NLRP5: variants seen among roughly 807,000 people sequenced by gnomAD.
NLRP5 encodes NLR family pyrin domain containing 5.
NLRP5 carries 93 observed loss-of-function variants against 113.1 expected under a neutral mutation model. The ratio of observed to expected loss-of-function variants is 0.82; its 90% CI spans 0.70 to 0.98. NLRP5 has a LOEUF of 0.98. Among genes scored for constraint, NLRP5 ranks in the 50% least tolerant of loss-of-function variants. The pLI is 0.00. For synonymous variants in NLRP5, 751 were observed against 600.7 expected, an observed-to-expected ratio of 1.25 and a Z score of -3.66; for missense variants, 1,808 against 1,514.3, an observed-to-expected ratio of 1.19 and a Z score of -3.22.
At chr19:56,054,541 G>C (rs533476801) in intron 13 of NLRP5, among the ~76,000 whole-genome samples, 1 of 143,028 alleles carries the variant, frequency 7.0e-6, no homozygotes, top group Non-Finnish European at 1.5e-5. Flanking sequence ...TTGGGTGACA[G>C]AGTGAGACTC....
chr19:56,010,751 A>AAAAAAAAAAAAAAAAAAAAAAAAAAAAAT (rs1438489823), intron 3 of NLRP5, among the ~76,000 whole-genome samples: 2 of 118,174 alleles, frequency 1.7e-5, no homozygotes, highest in Non-Finnish European at 3.7e-5. Context: ...TCAAAAAAAA[A>AAAAAAAAAAAAAAAAAAAAAAAAAAAAAT]AAAAGTCCCT....
intron 2 of NLRP5, among the ~76,000 whole-genome samples, chr19:56,004,304 A>G (rs769825526): frequency 6.6e-6 from 1 of 152,148 alleles, no homozygotes; most frequent in Non-Finnish European, 1.5e-5. Context: ...AAATGGGTAG[A>G]CAACGGCTCC....
At chr19:56,037,404 G>A (rs79296217) in intron 9 of NLRP5, among the ~76,000 whole-genome samples, 4,626 of 152,086 alleles carry the variant, frequency 0.03, 139 homozygotes, top group East Asian at 0.17. Flanking sequence ...TATGTGGAAC[G>A]TTGGGTGGAG....
chr19:56,038,301 C>T (rs375502323), intron 10 of NLRP5, 106 bp downstream of exon 10: 15 of 1,270,158 alleles, frequency 1.2e-5, no homozygotes, highest in African/African-American at 1.0e-4. Context: ...GATGTACAAA[C>T]CAGGGGTGAG....
At chr19:56,044,524 G>A (rs926037599) in intron 11 of NLRP5, among the ~76,000 whole-genome samples, 9 of 152,188 alleles carry the variant, frequency 5.9e-5, no homozygotes, top group South Asian at 2.1e-4. Flanking sequence ...TCCGTTGGCT[G>A]TAAGTATTTG....
intron 2 of NLRP5, among the ~76,000 whole-genome samples, chr19:56,007,520 C>G (rs1297291276): frequency 6.6e-6 from 1 of 151,016 alleles, no homozygotes; most frequent in Non-Finnish European, 1.5e-5. Context: ...AGCATAAAGT[C>G]AGGGCATCCC....
At chr19:56,048,979 A>ATTTTAT (rs1983827399) in intron 11 of NLRP5, among the ~76,000 whole-genome samples, 1 of 94,976 alleles carries the variant, frequency 1.1e-5, no homozygotes. Context: ...TTTTTTTTTA[A>ATTTTAT]TTTTTTTTTT....
In NLRP5 at chr19:56,019,339, C is replaced by T. The variant is rs1169332592; in HGVS notation, c.566-3C>T. 2 of 1,613,792 alleles carry T rather than the reference C, an allele frequency of 1.2e-6. No individual in the cohort carries two copies. The highest frequency in any genetic ancestry group is 2.7e-5 in the African/African-American group (2 of 74,904). On this transcript the variant is annotated splice_region_variant and splice_polypyrimidine_tract_variant and intron_variant, in intron 4 of 14. Coordinates refer to ENST00000390649, the MANE Select transcript of NLRP5 (RefSeq NM_153447.4). ...TATGTTGGAATTCATTCTTCTTTTGCAGAAATTTCACAAGCTATGGAACAA... is the reference window on the plus strand; with the variant it reads ...TATGTTGGAATTCATTCTTCTTTTGTAGAAATTTCACAAGCTATGGAACAA...
At chr19:55,989,487 A>G in the NLRP5 span, among the ~76,000 whole-genome samples, 2 of 152,142 alleles carry the variant, frequency 1.3e-5, no homozygotes, top group Non-Finnish European at 2.9e-5. Flanking sequence ...TCCTGACCTC[A>G]GATGATCCAC....
At chr19:56,017,606 T>C (rs1982457646) in intron 4 of NLRP5, among the ~76,000 whole-genome samples, 1 of 152,210 alleles carries the variant, frequency 6.6e-6, no homozygotes, top group Non-Finnish European at 1.5e-5. Flanking sequence ...TATTTCATTG[T>C]GTTAAGAGAG....
At position 56,061,759 on chromosome 19, in the gene NLRP5, C is replaced by T. The variant is rs1984364041; in HGVS notation, c.*231C>T. The T allele has an allele frequency of 1.2e-5, 6 of 506,034 alleles. No individual in the cohort carries two copies. The highest frequency in any genetic ancestry group is 1.1e-5 in the Non-Finnish European group (3 of 285,090). 31.3% of individuals were successfully genotyped at this position (506,034 alleles called of 1,614,324 possible). ...GACTCAGTATCTGTGAAATGTCCGT[C>T]ATATCTCAGAGCATATAGAGGGAAT... On this transcript the variant is annotated 3_prime_UTR_variant, in exon 15 of 15. Transcript: ENST00000390649.
At chr19:55,996,906 G>C (rs951993389), upstream of NLRP5, among the ~76,000 whole-genome samples, 7 of 152,110 alleles carry the variant, frequency 4.6e-5, no homozygotes, top group Admixed American at 1.3e-4. Flanking sequence ...CTGAGGAATC[G>C]CCACACTGAC....
intron 13 of NLRP5, among the ~76,000 whole-genome samples, chr19:56,056,961 G>A (rs1206502398): frequency 6.6e-6 from 1 of 152,046 alleles, no homozygotes; most frequent in African/African-American, 2.4e-5. Context: ...CCAACATGAT[G>A]AAACCCCGTC....
chr19:56,060,924 C>T (rs892534797), intron 14 of NLRP5, among the ~76,000 whole-genome samples: 1 of 152,038 alleles, frequency 6.6e-6, no homozygotes, highest in Non-Finnish European at 1.5e-5. Context: ...TTCAAGGCAG[C>T]ATTATTATTA....
the NLRP5 span, among the ~76,000 whole-genome samples, chr19:55,993,089 TCCAC>T: frequency 8.2e-3 from 1,242 of 152,026 alleles, 21 homozygotes; most frequent in African/African-American, 0.028. Flanking sequence ...CCTCAGGTGA[TCCAC>T]CCACCTCGGC....
the NLRP5 span, among the ~76,000 whole-genome samples, chr19:55,992,920 G>A: frequency 1.3e-5 from 2 of 151,860 alleles, no homozygotes; most frequent in African/African-American, 4.8e-5. Flanking sequence ...TGCAATCTTG[G>A]CTCACTGCAA....
At chr19:55,999,371 T>C (rs1466489222), upstream of NLRP5, among the ~76,000 whole-genome samples, 1 of 151,950 alleles carries the variant, frequency 6.6e-6, no homozygotes, top group Non-Finnish European at 1.5e-5. Flanking sequence ...CGCGCCACCA[T>C]GCCTGGCTAA....
chr19:56,011,421 G>A (rs144767379), intron 3 of NLRP5, among the ~76,000 whole-genome samples: 1 of 152,124 alleles, frequency 6.6e-6, no homozygotes, highest in Admixed American at 6.5e-5. Context: ...TTGTACTGAT[G>A]GTTACAATGT....
chr19:55,998,195 TATAAAA>T (rs1981398520), upstream of NLRP5, among the ~76,000 whole-genome samples: 1 of 151,930 alleles, frequency 6.6e-6, no homozygotes, highest in Non-Finnish European at 1.5e-5. Context: ...ATTCTAAAAT[TATAAAA>T]ATATAAGAAA....
Sources: allele counts gnomAD v4.1 joint callset (sites outside exome capture counted in the v4.1 genomes callset), GRCh38; gene constraint gnomAD v4.1.1; transcripts MANE v1.5; gene names NCBI Gene and HGNC (gene_info 2026-07-23, HGNC 2026-07-21).